Variants in TAF2 observed in about 807,000 individuals in gnomAD.
The protein encoded by TAF2 is TATA-box binding protein associated factor 2.
A neutral mutation model predicts 138.5 loss-of-function variants in TAF2; 61 were observed. That is an observed-to-expected ratio of 0.44 (90% CI 0.36 to 0.54). TAF2 has a LOEUF of 0.54. Ranked by LOEUF, TAF2 falls within the 20% of genes least tolerant of loss-of-function variation. The pLI is 0.00. For synonymous variants in TAF2, 475 were observed against 469.9 expected (o/e 1.01, Z -0.14); for missense variants, 1,090 against 1,427.9 (o/e 0.76, Z 3.81).
intron 3 of TAF2, among the ~76,000 whole-genome samples, chr8:119,807,506 A>C (rs566204699): frequency 6.6e-6 from 1 of 152,254 alleles, no homozygotes; most frequent in Non-Finnish European, 1.5e-5. Context: ...ACAAGATGAA[A>C]TACACAAACA....
intron 9 of TAF2, among the ~76,000 whole-genome samples, chr8:119,795,118 T>A (rs1220087084): frequency 6.6e-6 from 1 of 152,126 alleles, no homozygotes; most frequent in African/African-American, 2.4e-5. Flanking sequence ...GCAGTTAATA[T>A]GTGCAAAGCA....
intron 6 of TAF2, 106 bp from the exon 7 acceptor site, chr8:119,797,952 C>T (rs777651467): frequency 1.3e-4 from 136 of 1,084,714 alleles, no homozygotes; most frequent in Non-Finnish European, 1.7e-4. Flanking sequence ...TAAATCTATT[C>T]TTTAATAATT....
At chr8:119,799,122 C>T (rs961546136) in intron 6 of TAF2, among the ~76,000 whole-genome samples, 2 of 150,534 alleles carry the variant, frequency 1.3e-5, no homozygotes, top group South Asian at 2.1e-4. Flanking sequence ...AATACAAAAT[C>T]GGTACTAATC....
At chr8:119,789,543 A>G (rs753241384) in intron 12 of TAF2, 49 bp downstream of exon 12, 2 of 1,607,374 alleles carry the variant, frequency 1.2e-6, no homozygotes, top group African/African-American at 1.3e-5. Flanking sequence ...CCTTGCACAC[A>G]TACCTTATTC....
At position 119,819,935 on chromosome 8, in the gene TAF2, T is replaced by C. The variant is rs187381697; in HGVS notation, c.139-429A>G. Among the ~76,000 whole-genome samples the C allele has an allele frequency of 1.8e-4, 28 of 152,250 alleles. No individual in the cohort carries two copies. In the East Asian group the frequency reaches 4.8e-3, roughly 26 times the overall value. Reference sequence around the variant, plus strand: ...AAATTATACCACTGAAGCTAACAAGTATGAGTTTCTGCTCATGAGTAAATT... The same window carrying C: ...AAATTATACCACTGAAGCTAACAAGCATGAGTTTCTGCTCATGAGTAAATT... On this transcript the variant is annotated intron_variant, in intron 2 of 25. Transcript: ENST00000378164.
At chr8:119,825,987 T>C (rs940801330) in intron 2 of TAF2, among the ~76,000 whole-genome samples, 1 of 151,900 alleles carries the variant, frequency 6.6e-6, no homozygotes, top group African/African-American at 2.4e-5. Context: ...CCACCGTGCC[T>C]GGCCCTGATG....
chr8:119,755,412 G>A (rs1000649001), intron 22 of TAF2, among the ~76,000 whole-genome samples: 1 of 152,054 alleles, frequency 6.6e-6, no homozygotes, highest in African/African-American at 2.4e-5. Flanking sequence ...CAGGAGAATC[G>A]CTTGAACCTA....
At chr8:119,764,745 T>C (rs1821307480) in intron 18 of TAF2, among the ~76,000 whole-genome samples, 1 of 152,084 alleles carries the variant, frequency 6.6e-6, no homozygotes, top group African/African-American at 2.4e-5. Context: ...TTAAATTATA[T>C]AAATACTCCA....
At chr8:119,735,861 C>T (rs573750257) in intron 25 of TAF2, among the ~76,000 whole-genome samples, 1 of 152,110 alleles carries the variant, frequency 6.6e-6, no homozygotes, top group Non-Finnish European at 1.5e-5. Flanking sequence ...AATACACAGG[C>T]GGGTGATAAG....
Position 119,781,082 on chromosome 8 carries a change from T to C in TAF2, c.2224A>G (p.Met742Val). Residue 742 changes from methionine to valine, a missense_variant, in exon 17 of 26, where the codon ATG becomes GTG. Coordinates refer to ENST00000378164, the MANE Select transcript of TAF2 (RefSeq NM_003184.4). ...CPNIVKTNNF[M>V]SFQSYFLQKT... ...TGTAGAAAATAGCTTTGAAAGCTCA[T>C]AAAGTTGTTTGTTTTCACAATGTTT... 1 of 1,613,696 alleles carries C rather than the reference T, an allele frequency of 6.2e-7. No homozygotes were observed. The highest frequency in any genetic ancestry group is 8.5e-7 in the Non-Finnish European group (1 of 1,179,972).
chr8:119,756,432 A>G (rs1038996441), intron 21 of TAF2, among the ~76,000 whole-genome samples: 1 of 152,168 alleles, frequency 6.6e-6, no homozygotes, highest in Admixed American at 6.5e-5. Flanking sequence ...CTGACTCCAC[A>G]TAATCCTAAC....
intron 6 of TAF2, among the ~76,000 whole-genome samples, chr8:119,801,052 G>A (rs745780562): frequency 9.2e-5 from 14 of 152,118 alleles, no homozygotes; most frequent in Non-Finnish European, 1.9e-4. Context: ...TTGCTAACCA[G>A]GTTTCTAACT....
intron 2 of TAF2, among the ~76,000 whole-genome samples, chr8:119,831,109 A>AAAAC (rs758453602): frequency 1.3e-5 from 2 of 152,176 alleles, no homozygotes; most frequent in African/African-American, 4.8e-5. Flanking sequence ...TCTGTCTCCA[A>AAAAC]AAACAAACAA....
At chr8:119,824,995 C>T (rs1826011232) in intron 2 of TAF2, among the ~76,000 whole-genome samples, 2 of 152,226 alleles carry the variant, frequency 1.3e-5, no homozygotes. Context: ...CCTAGTGGAG[C>T]TGTGAGAAGA....
chr8:119,801,741 T>C, intron 6 of TAF2, 53 bp downstream of exon 6: 1 of 1,559,654 alleles, frequency 6.4e-7, no homozygotes, highest in Non-Finnish European at 8.8e-7. Context: ...ATCTATCTTT[T>C]TAAAAGCAGT....
At chr8:119,766,782 C>T (rs1307669310) in intron 18 of TAF2, among the ~76,000 whole-genome samples, 1 of 151,432 alleles carries the variant, frequency 6.6e-6, no homozygotes, top group East Asian at 1.9e-4. Flanking sequence ...TGCTGTGGGC[C>T]GAGATCACAC....
intron 23 of TAF2, chr8:119,745,077 G>A (rs781776892): frequency 4.4e-6 from 2 of 455,368 alleles, no homozygotes; most frequent in Non-Finnish European, 8.8e-6. Context: ...TTCTGAAGAC[G>A]AGTAGCTCAT....
chr8:119,814,420 A>G (rs893972342), intron 3 of TAF2, among the ~76,000 whole-genome samples: 2 of 152,092 alleles, frequency 1.3e-5, no homozygotes, highest in Non-Finnish European at 2.9e-5. Context: ...AGTCTGCATT[A>G]AAATATAGAA....
intron 3 of TAF2, among the ~76,000 whole-genome samples, chr8:119,810,285 T>C (rs1057195570): frequency 2.0e-5 from 3 of 152,186 alleles, no homozygotes; most frequent in Non-Finnish European, 2.9e-5. Context: ...CTTGTGTCAC[T>C]AGGTTTTTGA....
Sources: allele counts gnomAD v4.1 joint callset (sites outside exome capture counted in the v4.1 genomes callset), GRCh38; gene constraint gnomAD v4.1.1; transcripts MANE v1.5; gene names NCBI Gene and HGNC (gene_info 2026-07-23, HGNC 2026-07-21).